HDAC4: variants seen among roughly 807,000 people sequenced by gnomAD.
HDAC4 encodes histone deacetylase A.
A neutral mutation model predicts 135.1 loss-of-function variants in HDAC4; 16 were observed. That is an observed-to-expected ratio of 0.12 (90% confidence interval 0.08 to 0.18). The LOEUF (loss-of-function observed/expected upper bound fraction) is 0.18, where lower values mean the gene tolerates loss of function less well. Among genes scored for constraint, HDAC4 ranks in the 10% least tolerant of loss-of-function variants. The probability of loss-of-function intolerance (pLI) is 1.00; values close to 1 mark genes in which losing one functional copy is unlikely to be tolerated. For missense variants in HDAC4, 1,143 were observed against 1,511.8 expected (o/e 0.76, Z 4.05); for synonymous variants, 685 against 653.4 (o/e 1.05, Z -0.74).
intron 2 of HDAC4, among the ~76,000 whole-genome samples, chr2:239,329,051 C>T (rs1691374379): frequency 6.6e-6 from 1 of 152,272 alleles, no homozygotes; most frequent in Non-Finnish European, 1.5e-5. Flanking sequence ...GCAGCAGCAG[C>T]ACACCCAGGA....
At chr2:239,144,756 C>A in intron 7 of HDAC4, 42 bp from the exon 8 acceptor site, 1 of 1,609,972 alleles carries the variant, frequency 6.2e-7, no homozygotes, top group Non-Finnish European at 8.5e-7. Flanking sequence ...GCAGACACCA[C>A]TGGCTCAAGG....
chr2:239,052,655 T>C lies in HDAC4; in HGVS notation c.*442A>G. 1 of 229,642 alleles carries C rather than the reference T, an allele frequency of 4.4e-6. No homozygotes were observed. The highest frequency in any genetic ancestry group is 1.0e-4 in the East Asian group (1 of 9,558). 14.2% of individuals were successfully genotyped at this position (229,642 alleles called of 1,614,324 possible). ...TGAGTCGAGTGGTTTACACAGAGAC[T>C]GTGGAGTTGTGGGTAATAAACTTTA... is the stretch of plus-strand genomic sequence containing the variant. On this transcript the variant is annotated 3_prime_UTR_variant, in exon 27 of 27. Coordinates refer to ENST00000543185, the MANE Select transcript of HDAC4 (RefSeq NM_001378414.1).
rs1465632231 is a variant in HDAC4 at position 239,304,038 on chromosome 2, C to T, written c.22+48640G>A. On this transcript the variant is annotated intron_variant, in intron 2 of 26. Transcript: ENST00000543185. ...GCCACAGCTTATAAAGCAGATAGGACCAGCTCTGCATCAGACCCCTGTGTG... is the reference window on the plus strand; with the variant it reads ...GCCACAGCTTATAAAGCAGATAGGATCAGCTCTGCATCAGACCCCTGTGTG... 3.9e-5 allele frequency among the ~76,000 whole-genome samples: 6 copies of T among 152,256 alleles called. No individual in the cohort carries two copies. The South Asian group carries it at 1.2e-3, about 32-fold the overall frequency.
chr2:239,285,881 G>A lies in HDAC4; in HGVS notation c.23-49217C>T, dbSNP rs1206141740. Among the ~76,000 whole-genome samples, 2 of 152,150 alleles carry A rather than the reference G, an allele frequency of 1.3e-5. No homozygotes were observed. The highest frequency in any genetic ancestry group is 2.9e-5 in the Non-Finnish European group (2 of 68,026). Reference sequence around the variant, plus strand: ...GGCTGGAGTCCAGGGCAGCTCCCAGGAAATGCACGTGGCATGCCTATCAGA... The same window carrying A: ...GGCTGGAGTCCAGGGCAGCTCCCAGAAAATGCACGTGGCATGCCTATCAGA... On this transcript the variant is annotated intron_variant, in intron 2 of 26. Coordinates refer to ENST00000543185, the MANE Select transcript of HDAC4 (RefSeq NM_001378414.1). The surrounding 1 kb of genome is among the most constrained non-coding windows in gnomAD (Gnocchi z 4.5).
intron 2 of HDAC4, among the ~76,000 whole-genome samples, chr2:239,238,543 A>G (rs1442419067): frequency 6.6e-6 from 1 of 152,098 alleles, no homozygotes; most frequent in East Asian, 1.9e-4. Flanking sequence ...CTTAGCTTCC[A>G]CCTCAGCAAA....
chr2:239,199,564 G>C (rs1257951576), intron 3 of HDAC4, among the ~76,000 whole-genome samples: 1 of 152,074 alleles, frequency 6.6e-6, no homozygotes, highest in Non-Finnish European at 1.5e-5. Context: ...CTCCAAACTC[G>C]AGCAGTGAGG....
intron 2 of HDAC4, among the ~76,000 whole-genome samples, chr2:239,282,770 T>TACAATGTACACACCCCTCTACAC (rs2050878944): frequency 7.0e-6 from 1 of 143,418 alleles, no homozygotes; most frequent in East Asian, 2.1e-4. Context: ...CACACCACTC[T>TACAATGTACACACCCCTCTACAC]ACAATGTACA....
At chr2:239,337,202 C>T (rs552192912) in intron 2 of HDAC4, among the ~76,000 whole-genome samples, 9 of 152,312 alleles carry the variant, frequency 5.9e-5, no homozygotes, top group Admixed American at 1.3e-4. Flanking sequence ...GTCACACAAA[C>T]GGCTCCAAGG....
intron 4 of HDAC4, among the ~76,000 whole-genome samples, chr2:239,188,439 C>T (rs2044691246): frequency 6.6e-6 from 1 of 152,248 alleles, no homozygotes; most frequent in Non-Finnish European, 1.5e-5. Context: ...AGCTACTCTG[C>T]ACACTAGGTG....
At chr2:239,298,687 C>T (rs1363612916) in intron 2 of HDAC4, 9 of 924,810 alleles carry the variant, frequency 9.7e-6, no homozygotes, top group East Asian at 1.2e-4. Context: ...CACCCAACAA[C>T]GTGGAAATCA....
Position 239,053,136 on chromosome 2 carries a change from T to G in HDAC4, c.3231A>C (p.Arg1077Ser). 6.2e-7 allele frequency: 1 copy of G among 1,614,042 alleles called. No individual in the cohort carries two copies. The highest frequency in any genetic ancestry group is 8.5e-7 in the Non-Finnish European group (1 of 1,179,974). Residue 1077 changes from arginine (R) to serine (S), a missense_variant and splice_region_variant, in exon 27 of 27, where the codon AGA becomes AGC. Arg to Ser is a moderately radical substitution (Grantham distance 110). Coordinates refer to ENST00000543185, the MANE Select transcript of HDAC4 (RefSeq NM_001378414.1). ...LSVGVKPAEK[R>S]PDEEPMEEEP... ...CCTCTTCCATGGGCTCCTCATCTGGTCTGTGGATCCCGCAAGAGAAGGAGA... is the reference window on the plus strand; with the variant it reads ...CCTCTTCCATGGGCTCCTCATCTGGGCTGTGGATCCCGCAAGAGAAGGAGA...
intron 3 of HDAC4, among the ~76,000 whole-genome samples, chr2:239,218,707 G>A (rs1186111154): frequency 1.0e-4 from 14 of 139,808 alleles, no homozygotes; most frequent in East Asian, 2.1e-4. Flanking sequence ...GAAAATTTTC[G>A]CAACCTACTC....
At chr2:239,392,573 T>C (rs918304239) in intron 1 of HDAC4, among the ~76,000 whole-genome samples, 3 of 152,174 alleles carry the variant, frequency 2.0e-5, no homozygotes, top group African/African-American at 4.8e-5. Flanking sequence ...CTAATTAAGA[T>C]ACACCCCGCT....
chr2:239,267,868 G>A (rs979574436), intron 2 of HDAC4, among the ~76,000 whole-genome samples: 7 of 152,244 alleles, frequency 4.6e-5, no homozygotes, highest in African/African-American at 1.7e-4. Context: ...CCCAGCTTCT[G>A]AGTTCTTACA....
chr2:239,241,898 A>T (rs1213918749), intron 2 of HDAC4, among the ~76,000 whole-genome samples: 7 of 152,186 alleles, frequency 4.6e-5, no homozygotes, highest in African/African-American at 1.7e-4. Flanking sequence ...TTTGCCAATA[A>T]TCACACTGTC....
intron 14 of HDAC4, among the ~76,000 whole-genome samples, chr2:239,110,342 T>A (rs1341543069): frequency 1.3e-5 from 2 of 152,210 alleles, no homozygotes. Context: ...GAAGCGGGAC[T>A]CCCTGCAAGT....
chr2:239,200,889 A>G (rs2045715480), intron 3 of HDAC4, among the ~76,000 whole-genome samples: 1 of 152,138 alleles, frequency 6.6e-6, no homozygotes, highest in Admixed American at 6.5e-5. Flanking sequence ...AGCCTTCTAG[A>G]AAAGAAGGGA....
At chr2:239,178,058 G>T (rs989718261) in intron 4 of HDAC4, among the ~76,000 whole-genome samples, 14 of 152,210 alleles carry the variant, frequency 9.2e-5, no homozygotes, top group African/African-American at 2.9e-4. Context: ...TCGTTCGCAT[G>T]CTCCAGGGTT....
rs765716243 is a variant in HDAC4 at position 239,068,486 on chromosome 2, T to C, written c.2869+3A>G. The C allele has an allele frequency of 6.2e-7, 1 of 1,606,248 alleles. No homozygotes were observed. The highest frequency in any genetic ancestry group is 1.1e-5 in the South Asian group (1 of 90,928). ...CTCCTCAGTCATATGCAGAACCACT[T>C]ACATCTGGCGGAGAGGTTGTAGCCC... On this transcript the variant is annotated splice_donor_region_variant and intron_variant, in intron 23 of 26. Coordinates refer to ENST00000543185, the MANE Select transcript of HDAC4 (RefSeq NM_001378414.1). The surrounding 1 kb of genome is among the most constrained non-coding windows in gnomAD (Gnocchi z 4.4).
Sources: allele counts gnomAD v4.1 joint callset (sites outside exome capture counted in the v4.1 genomes callset), GRCh38; gene constraint gnomAD v4.1.1; non-coding constraint Gnocchi (gnomAD v3.1); transcripts MANE v1.5; gene names NCBI Gene and HGNC (gene_info 2026-07-23, HGNC 2026-07-21).